Variants in P2RY6 observed in about 807,000 individuals in gnomAD.
P2RY6 encodes the protein pyrimidinergic receptor P2Y6.
A neutral mutation model predicts 16.3 loss-of-function variants in P2RY6; 19 were observed. The observed-to-expected ratio is 1.16, with a 90% CI of 0.81 to 1.71. The LOEUF (loss-of-function observed/expected upper bound fraction) is 1.71, where lower values mean the gene tolerates loss of function less well. P2RY6 is among the 40% of genes most tolerant of loss of function. The pLI is 0.00. For missense variants in P2RY6, 389 were observed against 455.5 expected, an observed-to-expected ratio of 0.85 and a Z score of 1.33; for synonymous variants, 184 against 201.5, an observed-to-expected ratio of 0.91 and a Z score of 0.74.
chr11:73,286,927 G>A (rs972647348), intron 1 of P2RY6, among the ~76,000 whole-genome samples: 4 of 152,180 alleles, frequency 2.6e-5, no homozygotes, highest in South Asian at 2.1e-4. Flanking sequence ...CAGTTTTCTC[G>A]TAGGGAAATG....
chr11:73,292,861 C>A, intron 1 of P2RY6: 1 of 985,132 alleles, frequency 1.0e-6, no homozygotes, highest in Non-Finnish European at 1.2e-6. Context: ...TCAGGTCTGG[C>A]TTCCCTTTGC....
upstream of P2RY6, among the ~76,000 whole-genome samples, chr11:73,268,469 A>AG (rs952633985): frequency 6.6e-6 from 1 of 152,312 alleles, no homozygotes; most frequent in African/African-American, 2.4e-5. Context: ...ACAAAAAAAA[A>AG]TACAAATTTA....
chr11:73,297,116 G>A lies in P2RY6; in HGVS notation c.598G>A (p.Gly200Ser), dbSNP rs527979345. ...MPYGMALTVI[G>S]FLLPFAALLA... is the part of the protein sequence containing the mutation. ...CTATGGCATGGCTCTCACTGTCATC[G>A]GCTTCCTGCTGCCCTTTGCTGCCCT... Residue 200 changes from glycine (G) to serine (S), a missense_variant, in exon 3 of 3, where the codon GGC becomes AGC. By Grantham distance (56) the Gly-to-Ser change is moderately conservative. Coordinates refer to ENST00000540124, the MANE Select transcript of P2RY6 (RefSeq NM_001277204.2). The A allele has an allele frequency of 1.6e-5, 26 of 1,604,376 alleles. No homozygotes were observed. Among genetic ancestry groups the A allele is most frequent in the Middle Eastern group, 1.7e-4 (1 of 6,060 alleles).
At chr11:73,270,996 A>AT (rs1196827201), upstream of P2RY6, among the ~76,000 whole-genome samples, 6 of 152,214 alleles carry the variant, frequency 3.9e-5, no homozygotes, top group Non-Finnish European at 8.8e-5. Context: ...ATTAACCAAA[A>AT]GAAACTAATC....
At chr11:73,289,881 A>G (rs1864129089) in intron 1 of P2RY6, among the ~76,000 whole-genome samples, 1 of 152,174 alleles carries the variant, frequency 6.6e-6, no homozygotes, top group Admixed American at 6.5e-5. Context: ...CCCCCACCAA[A>G]TTGCCCAGAA....
At chr11:73,264,878 G>A (rs1198172200) in intron 1 of P2RY6, among the ~76,000 whole-genome samples, 1 of 152,192 alleles carries the variant, frequency 6.6e-6, no homozygotes, top group African/African-American at 2.4e-5. Flanking sequence ...ATTACTGTGA[G>A]CAATGGGTTA....
chr11:73,295,393 C>A (rs1002777394), intron 1 of P2RY6, among the ~76,000 whole-genome samples: 1 of 152,226 alleles, frequency 6.6e-6, no homozygotes, highest in Admixed American at 6.5e-5. Context: ...CCCAGGCCTG[C>A]CTAGCTCTGA....
chr11:73,271,639 G>C (rs1863313719), upstream of P2RY6: 1 of 152,260 alleles, frequency 6.6e-6, no homozygotes, highest in South Asian at 2.1e-4. Flanking sequence ...TTAACTACCA[G>C]GCTTAGGTCA....
At chr11:73,282,993 G>T (rs970861679) in intron 1 of P2RY6, among the ~76,000 whole-genome samples, 3 of 152,184 alleles carry the variant, frequency 2.0e-5, no homozygotes, top group African/African-American at 7.2e-5. Flanking sequence ...GAGGCTCAGA[G>T]AGGTAAAGTC....
In P2RY6 at chr11:73,296,969, G is replaced by A. The variant is rs374484031; in HGVS notation, c.451G>A (p.Val151Met). 2.4e-5 allele frequency: 38 copies of A among 1,603,016 alleles called. No individual in the cohort carries two copies. The highest frequency in any genetic ancestry group is 1.6e-4 in the African/African-American group (12 of 74,956). ...GGCTGCCTGGCTAGTGTGTGTAGCC[G>A]TGTGGCTGGCCGTGACAACCCAGTG... is the stretch of plus-strand genomic sequence containing the variant. ...RRAAWLVCVA[V>M]WLAVTTQCLP... The change falls in exon 3 of 3, where the codon GTG becomes ATG. Residue 151 changes from valine (V) to methionine (M), a missense_variant. Val to Met is a conservative substitution (Grantham distance 21). Coordinates refer to ENST00000540124, the MANE Select transcript of P2RY6 (RefSeq NM_001277204.2).
At chr11:73,281,362 C>T (rs1863755746) in intron 1 of P2RY6, among the ~76,000 whole-genome samples, 1 of 152,236 alleles carries the variant, frequency 6.6e-6, no homozygotes, top group Non-Finnish European at 1.5e-5. Context: ...CCTGGGAAAG[C>T]CAGTGGGGCA....
At chr11:73,270,840 G>A (rs1348972141), upstream of P2RY6, among the ~76,000 whole-genome samples, 1 of 152,100 alleles carries the variant, frequency 6.6e-6, no homozygotes, top group Non-Finnish European at 1.5e-5. Context: ...TCCAGGCTAG[G>A]TGGCTGGGAG....
chr11:73,292,660 C>CT, intron 1 of P2RY6: 1 of 287,438 alleles, frequency 3.5e-6, no homozygotes, highest in Non-Finnish European at 5.2e-6. Context: ...GGAAGGACGC[C>CT]TTTTTTCCAC....
At chr11:73,281,759 G>A (rs1863773302) in intron 1 of P2RY6, among the ~76,000 whole-genome samples, 1 of 152,340 alleles carries the variant, frequency 6.6e-6, no homozygotes, top group Non-Finnish European at 1.5e-5. Flanking sequence ...GGAGCCGAAT[G>A]TCTCTCCTCT....
intron 1 of P2RY6, among the ~76,000 whole-genome samples, chr11:73,293,328 A>G (rs1032665699): frequency 2.0e-5 from 3 of 152,218 alleles, no homozygotes; most frequent in African/African-American, 7.2e-5. Flanking sequence ...TACTTCAGAT[A>G]GGACTGGAGG....
chr11:73,290,048 C>T (rs1864137161), intron 1 of P2RY6, among the ~76,000 whole-genome samples: 1 of 151,948 alleles, frequency 6.6e-6, no homozygotes, highest in Admixed American at 6.6e-5. Flanking sequence ...ATGGAGAAGC[C>T]CCATCTGTAC....
upstream of P2RY6, chr11:73,271,675 C>T (rs991532773): frequency 6.6e-6 from 1 of 152,188 alleles, no homozygotes; most frequent in African/African-American, 2.4e-5. Context: ...GGTTTCGGGT[C>T]TGGTTCCTTG....
At position 73,286,745 on chromosome 11, in the gene P2RY6, G is replaced by T. The variant is rs1863989126; in HGVS notation, c.-120-8985G>T. 2.0e-5 allele frequency among the ~76,000 whole-genome samples: 3 copies of T among 152,102 alleles called. No homozygotes were observed. In the South Asian group the frequency reaches 6.2e-4, roughly 31 times the overall value. On this transcript the variant is annotated intron_variant, in intron 1 of 2. Transcript: ENST00000540124. Reference sequence around the variant, plus strand: ...GACCTTGTCCCCTGTTCCTAGCAGAGTTAGAGAAGGAAAGGGAGGGAGTCT... The same window carrying T: ...GACCTTGTCCCCTGTTCCTAGCAGATTTAGAGAAGGAAAGGGAGGGAGTCT...
intron 1 of P2RY6, among the ~76,000 whole-genome samples, chr11:73,279,287 T>G (rs1039128961): frequency 6.6e-6 from 1 of 152,240 alleles, no homozygotes; most frequent in African/African-American, 2.4e-5. Context: ...ATCAGACATA[T>G]GGTTTGCAAA....
Sources: gnomAD v4.1 joint callset for allele counts (sites outside exome capture counted in the v4.1 genomes callset) on GRCh38, gnomAD v4.1.1 for gene constraint, MANE v1.5 for transcripts, NCBI Gene and HGNC (gene_info 2026-07-23, HGNC 2026-07-21) for gene names.